The following RPS6KC1 variants were observed in gnomAD, a reference collection of about 807,000 sequenced individuals.
The protein encoded by RPS6KC1 is inactive ribosomal protein S6 kinase delta-1.
Under a neutral mutation model 103.8 loss-of-function variants are expected in RPS6KC1, and 54 were observed. The ratio of observed to expected loss-of-function variants is 0.52; its 90% CI spans 0.42 to 0.65. The LOEUF (loss-of-function observed/expected upper bound fraction) is 0.65. Among genes scored for constraint, RPS6KC1 ranks in the 30% least tolerant of loss-of-function variants. RPS6KC1 has a pLI of 0.00. For missense variants in RPS6KC1, 1,151 were observed against 1,253.8 expected (o/e 0.92, Z 1.24); for synonymous variants, 439 against 438.7 (o/e 1.00, Z -0.01).
the RPS6KC1 span, among the ~76,000 whole-genome samples, chr1:213,292,631 G>A: frequency 6.6e-6 from 1 of 152,158 alleles, no homozygotes; most frequent in Non-Finnish European, 1.5e-5. Context: ...CTGTGTGCTG[G>A]TTAGGTTGAG....
the RPS6KC1 span, among the ~76,000 whole-genome samples, chr1:213,338,895 T>C: frequency 1.2e-4 from 19 of 152,182 alleles, no homozygotes; most frequent in African/African-American, 4.6e-4. Flanking sequence ...CTCCCATGTC[T>C]GGCTCCTTGT....
the RPS6KC1 span, among the ~76,000 whole-genome samples, chr1:213,855,576 G>A: frequency 2.8e-3 from 428 of 152,252 alleles, 2 homozygotes; most frequent in African/African-American, 9.9e-3. Context: ...TTCTCCAGGG[G>A]GCTTGTGTGT....
chr1:213,119,057 G>C (rs1185909014), intron 5 of RPS6KC1, among the ~76,000 whole-genome samples: 1 of 151,964 alleles, frequency 6.6e-6, no homozygotes, highest in Admixed American at 6.6e-5. Context: ...TAAGCTGGCT[G>C]TTGCCTCAGT....
In RPS6KC1 at chr1:213,132,206, T is replaced by G. The variant is rs574005712; in HGVS notation, c.835+2317T>G. ...CTTAAGGAACATTACCATTTAACCA[T>G]GTATCTCCTATTTAATGCATGTTTG... On this transcript the variant is annotated intron_variant, in intron 6 of 14. Transcript: ENST00000366960. Among the ~76,000 whole-genome samples, 3 of 152,306 alleles carry G rather than the reference T, an allele frequency of 2.0e-5. No homozygotes were observed. In the South Asian group the frequency reaches 6.2e-4, roughly 32 times the overall value.
the RPS6KC1 span, among the ~76,000 whole-genome samples, chr1:213,425,681 G>T: frequency 6.6e-6 from 1 of 152,200 alleles, no homozygotes; most frequent in Non-Finnish European, 1.5e-5. Flanking sequence ...AGGCGACGTG[G>T]AGGGATATGG....
chr1:213,335,729 A>C, the RPS6KC1 span, among the ~76,000 whole-genome samples: 43 of 152,106 alleles, frequency 2.8e-4, 1 homozygote, highest in Admixed American at 2.0e-4. Context: ...TTCACAGATA[A>C]CTCTGTGACA....
the RPS6KC1 span, among the ~76,000 whole-genome samples, chr1:213,561,022 T>A: frequency 0.031 from 4,721 of 152,280 alleles, 241 homozygotes; most frequent in African/African-American, 0.11. Context: ...CTCATTAATA[T>A]GATTGATGCC....
At chr1:213,265,616 A>G (rs2094894206) in intron 14 of RPS6KC1, among the ~76,000 whole-genome samples, 1 of 152,238 alleles carries the variant, frequency 6.6e-6, no homozygotes, top group African/African-American at 2.4e-5. Flanking sequence ...TGTTTGTTTT[A>G]TAACAATAGC....
chr1:213,643,529 C>A, the RPS6KC1 span, among the ~76,000 whole-genome samples: 9 of 151,460 alleles, frequency 5.9e-5, no homozygotes, highest in Admixed American at 4.6e-4. Context: ...GGAGTTTCAG[C>A]AATTTTCAGT....
intron 3 of RPS6KC1, among the ~76,000 whole-genome samples, chr1:213,084,068 C>T (rs911367728): frequency 1.3e-5 from 2 of 151,976 alleles, no homozygotes; most frequent in African/African-American, 4.8e-5. Flanking sequence ...ACCAGATTCA[C>T]TTATTGTTAA....
chr1:213,181,119 A>C (rs1184875441), intron 8 of RPS6KC1, among the ~76,000 whole-genome samples: 1 of 152,196 alleles, frequency 6.6e-6, no homozygotes, highest in Non-Finnish European at 1.5e-5. Flanking sequence ...TGATGACTTG[A>C]AACCCAGAGT....
At chr1:213,773,761 G>A in the RPS6KC1 span, among the ~76,000 whole-genome samples, 1 of 152,076 alleles carries the variant, frequency 6.6e-6, no homozygotes, top group African/African-American at 2.4e-5. Context: ...GCCTTCCATT[G>A]ATTAGATGAC....
At chr1:213,722,656 A>C in the RPS6KC1 span, among the ~76,000 whole-genome samples, 1 of 152,204 alleles carries the variant, frequency 6.6e-6, no homozygotes, top group Non-Finnish European at 1.5e-5. Context: ...ACCCAGAGTG[A>C]ACAAGGGACA....
chr1:213,348,940 A>G, the RPS6KC1 span, among the ~76,000 whole-genome samples: 1 of 152,220 alleles, frequency 6.6e-6, no homozygotes, highest in Non-Finnish European at 1.5e-5. Flanking sequence ...TGAATGGGTG[A>G]TTGCATTTGT....
At chr1:213,622,339 C>G in the RPS6KC1 span, among the ~76,000 whole-genome samples, 1 of 151,226 alleles carries the variant, frequency 6.6e-6, no homozygotes, top group South Asian at 2.1e-4. Flanking sequence ...TGGCTTTCTG[C>G]TATCAGGGGC....
chr1:213,125,939 G>A (rs1452047299), intron 5 of RPS6KC1: 2 of 151,962 alleles, frequency 1.3e-5, no homozygotes, highest in East Asian at 3.9e-4. Context: ...TGGTGTTATT[G>A]TTATTGTTAA....
At chr1:213,566,781 TA>T in the RPS6KC1 span, among the ~76,000 whole-genome samples, 1 of 152,112 alleles carries the variant, frequency 6.6e-6, no homozygotes, top group Admixed American at 6.5e-5. Flanking sequence ...TTTCTCAATA[TA>T]ATTGTCATTT....
chr1:213,078,116 T>C (rs761856990), intron 3 of RPS6KC1, among the ~76,000 whole-genome samples: 66 of 152,224 alleles, frequency 4.3e-4, no homozygotes, highest in Middle Eastern at 3.4e-3. Context: ...TAAAATTCTT[T>C]CTTTTTTTAA....
intron 10 of RPS6KC1, 128 bp downstream of exon 10, chr1:213,232,383 T>C: frequency 8.7e-7 from 1 of 1,149,106 alleles, no homozygotes; most frequent in African/African-American, 1.5e-5. Flanking sequence ...CCTATTCCTC[T>C]GCTCTACCTC....
Sources: allele counts gnomAD v4.1 joint callset (sites outside exome capture counted in the v4.1 genomes callset), GRCh38; gene constraint gnomAD v4.1.1; transcripts MANE v1.5; gene names NCBI Gene and HGNC (gene_info 2026-07-23, HGNC 2026-07-21).